Variants in FGF13 observed in about 807,000 individuals in gnomAD.
The protein encoded by FGF13 is fibroblast growth factor homologous factor 2.
FGF13 carries 2 observed loss-of-function variants against 19.5 expected under a neutral mutation model. That is an observed-to-expected ratio of 0.10 (90% CI 0.04 to 0.32). FGF13 has a LOEUF of 0.32. FGF13 is among the 10% of genes least tolerant of loss of function. The probability of loss-of-function intolerance (pLI) is 1.00; values close to 1 mark genes in which losing one functional copy is unlikely to be tolerated. For missense variants in FGF13, 113 were observed against 192.7 expected, an observed-to-expected ratio of 0.59 and a Z score of 2.45; for synonymous variants, 72 against 76.9, an observed-to-expected ratio of 0.94 and a Z score of 0.33.
chrX:138,689,344 C>T (rs2089816081), intron 3 of FGF13, among the ~76,000 whole-genome samples: 1 of 111,710 alleles, frequency 9.0e-6, no homozygotes, highest in African/African-American at 3.3e-5. Context: ...ACACTACTAT[C>T]CAGGCAGTTT....
At chrX:138,869,644 T>C (rs2124162946) in intron 1 of FGF13, among the ~76,000 whole-genome samples, 1 of 112,557 alleles carries the variant, frequency 8.9e-6, no homozygotes, top group South Asian at 3.7e-4. Flanking sequence ...TTTCTCTACC[T>C]ATTTGCTGTG....
At chrX:138,967,966 G>A (rs1183532379) in intron 1 of FGF13, among the ~76,000 whole-genome samples, 2 of 110,957 alleles carry the variant, frequency 1.8e-5, no homozygotes, top group African/African-American at 6.6e-5. Context: ...TTTTCCAGAC[G>A]ACAAAACTAA....
At chrX:138,851,890 G>A (rs1433413366) in intron 3 of FGF13, among the ~76,000 whole-genome samples, 1 of 111,675 alleles carries the variant, frequency 9.0e-6, no homozygotes, top group Admixed American at 9.5e-5. Context: ...CAAAGTCAAT[G>A]TGCAAAAATT....
chrX:139,021,206 G>A (rs2092176670), intron 1 of FGF13, among the ~76,000 whole-genome samples: 1 of 110,991 alleles, frequency 9.0e-6, no homozygotes. Context: ...ACATTTACAA[G>A]TTAACAAAAT....
chrX:138,804,647 C>T (rs1304415680), intron 3 of FGF13, among the ~76,000 whole-genome samples: 1 of 111,958 alleles, frequency 8.9e-6, no homozygotes, highest in Non-Finnish European at 1.9e-5. Flanking sequence ...CATGATAGGT[C>T]ACTATGCAAT....
At chrX:138,794,949 A>T (rs1399083428) in intron 3 of FGF13, among the ~76,000 whole-genome samples, 1 of 112,197 alleles carries the variant, frequency 8.9e-6, no homozygotes, top group Non-Finnish European at 1.9e-5. Flanking sequence ...GACATCTTAT[A>T]GTTTCTCCAT....
chrX:139,186,992 T>G (rs918550985), intron 1 of FGF13, among the ~76,000 whole-genome samples: 3 of 112,644 alleles, frequency 2.7e-5, no homozygotes, highest in African/African-American at 9.7e-5. Context: ...TTTGTCTCCA[T>G]TGACTATTTG....
chrX:138,724,799 C>T (rs2090172820), intron 1 of FGF13, among the ~76,000 whole-genome samples: 1 of 111,356 alleles, frequency 9.0e-6, no homozygotes, highest in South Asian at 3.7e-4. Context: ...GGATTGAATC[C>T]TGGAACAGAA....
At chrX:139,100,063 C>CAT (rs2083499363) in intron 1 of FGF13, among the ~76,000 whole-genome samples, 1 of 107,943 alleles carries the variant, frequency 9.3e-6, no homozygotes, top group African/African-American at 3.4e-5. Context: ...CACACACACA[C>CAT]ACACACACAC....
intron 3 of FGF13, among the ~76,000 whole-genome samples, chrX:138,797,397 G>C (rs2123992214): frequency 9.0e-6 from 1 of 111,104 alleles, no homozygotes; most frequent in African/African-American, 3.3e-5. Flanking sequence ...TCAAGCCTCT[G>C]TTCTGTTCCA....
intron 1 of FGF13, among the ~76,000 whole-genome samples, chrX:139,150,986 G>C (rs2083930194): frequency 9.1e-6 from 1 of 109,787 alleles, no homozygotes; most frequent in South Asian, 4.0e-4. Flanking sequence ...AGCTCTCCTG[G>C]GCCCCGTATG....
chrX:138,809,437 A>G (rs1006881471), intron 3 of FGF13, among the ~76,000 whole-genome samples: 2 of 111,628 alleles, frequency 1.8e-5, no homozygotes, highest in African/African-American at 6.5e-5. Context: ...GTATTGATAG[A>G]ACATATCTCA....
chrX:138,708,970 C>A (rs756944092), intron 1 of FGF13, 42 bp from the exon 2 acceptor site: 121 of 782,826 alleles, frequency 1.5e-4, no homozygotes, highest in Middle Eastern at 6.0e-4. Flanking sequence ...ATAAATTGTG[C>A]CTATGTAGTT....
At chrX:138,847,629 T>A (rs746629840) in intron 3 of FGF13, among the ~76,000 whole-genome samples, 1 of 111,874 alleles carries the variant, frequency 8.9e-6, no homozygotes, top group South Asian at 3.7e-4. Flanking sequence ...GTGGTCATTA[T>A]TGAAGGTGCT....
rs1015910296 is a variant in FGF13, at chrX:139,009,812, A to G, written c.-112-145162T>C. The stretch of plus-strand genomic sequence containing the variant: ...GAATACCACCTCATATCTCAATACT[A>G]ACATTGAATGTAATGGGCCTAAATA... On this transcript the variant is annotated intron_variant, in intron 1 of 2. Coordinates refer to the FGF13 transcript ENST00000421460. Among the ~76,000 whole-genome samples, 4 of 111,841 alleles carry G rather than the reference A, an allele frequency of 3.6e-5. No individual in the cohort carries two copies. In the South Asian group the frequency reaches 1.5e-3, roughly 42 times the overall value.
Position 138,630,346 on chromosome X carries a change from A to C in FGF13, c.*2504T>G, listed in dbSNP as rs2089103985. The C allele has an allele frequency of 1.8e-5, 2 of 111,309 alleles. No homozygotes were observed. The highest frequency in any genetic ancestry group is 7.6e-4 in the South Asian group (2 of 2,615). The allele number at this position is 111,309 out of a possible 1,213,427, so 9.2% of individuals were successfully genotyped here. A position where few individuals can be genotyped will look rare whatever the true frequency, so the allele number is the denominator to read the frequency against. ...GAAGTAGTCAGTGACCAAACTTTAAAGTTCTTAGAGAAAGAGGGAGACAAT... is the reference window on the plus strand; with the variant it reads ...GAAGTAGTCAGTGACCAAACTTTAACGTTCTTAGAGAAAGAGGGAGACAAT... On this transcript the variant is annotated 3_prime_UTR_variant, in exon 5 of 5. Coordinates refer to ENST00000315930, the MANE Select transcript of FGF13 (RefSeq NM_004114.5).
intron 1 of FGF13, among the ~76,000 whole-genome samples, chrX:139,035,020 C>G (rs1016932847): frequency 9.0e-6 from 1 of 111,718 alleles, no homozygotes; most frequent in Non-Finnish European, 1.9e-5. Flanking sequence ...AGTAACTAGA[C>G]GCAGTATAAA....
intron 3 of FGF13, among the ~76,000 whole-genome samples, chrX:138,821,981 G>A (rs1196139640): frequency 3.6e-5 from 4 of 111,836 alleles, no homozygotes. Flanking sequence ...TCACATATGA[G>A]AGGTACAAAA....
At chrX:138,783,656 C>T (rs1195375091) in intron 3 of FGF13, among the ~76,000 whole-genome samples, 13 of 99,815 alleles carry the variant, frequency 1.3e-4, no homozygotes, top group African/African-American at 4.5e-4. Flanking sequence ...ATTAAAAAGT[C>T]AGGAAACAAC....
Sources: allele counts gnomAD v4.1 joint callset (sites outside exome capture counted in the v4.1 genomes callset), GRCh38; gene constraint gnomAD v4.1.1; transcripts MANE v1.5; gene names NCBI Gene and HGNC (gene_info 2026-07-23, HGNC 2026-07-21).